The following HPSE2 variants were observed in gnomAD, a reference collection of about 807,000 sequenced individuals.
HPSE2 encodes inactive heparanase-2.
In HPSE2, 38 loss-of-function variants were observed where a neutral mutation model predicts 60.5. The ratio of observed to expected loss-of-function variants is 0.63; its 90% confidence interval spans 0.48 to 0.82. The LOEUF is 0.82. Among genes scored for constraint, HPSE2 ranks in the 40% least tolerant of loss-of-function variants. HPSE2 has a pLI of 0.00. For synonymous variants in HPSE2, 295 were observed against 293.2 expected, an observed-to-expected ratio of 1.01 and a Z score of -0.06; for missense variants, 713 against 740.4, an observed-to-expected ratio of 0.96 and a Z score of 0.43.
intron 11 of HPSE2, among the ~76,000 whole-genome samples, chr10:98,475,011 A>G (rs1940944211): frequency 6.6e-6 from 1 of 152,208 alleles, no homozygotes; most frequent in South Asian, 2.1e-4. Flanking sequence ...TAGAAAGATC[A>G]AGGGACATTC....
chr10:99,257,903 C>A, the HPSE2 span, among the ~76,000 whole-genome samples: 2 of 152,010 alleles, frequency 1.3e-5, no homozygotes, highest in African/African-American at 4.8e-5. Context: ...TTTCTCAGAC[C>A]AGCCGACACT....
the HPSE2 span, among the ~76,000 whole-genome samples, chr10:99,301,682 C>T: frequency 1.3e-5 from 2 of 152,096 alleles, no homozygotes; most frequent in African/African-American, 2.4e-5. Flanking sequence ...AACAGCTAGA[C>T]CAGATGGCAG....
At chr10:99,117,283 A>G (rs557452377) in intron 3 of HPSE2, among the ~76,000 whole-genome samples, 2 of 151,232 alleles carry the variant, frequency 1.3e-5, no homozygotes, top group South Asian at 4.2e-4. Context: ...CAACTAAGAG[A>G]ACCAGAGAAC....
chr10:99,253,532 TG>T, the HPSE2 span, among the ~76,000 whole-genome samples: 1 of 152,172 alleles, frequency 6.6e-6, no homozygotes, highest in Non-Finnish European at 1.5e-5. Context: ...AACACCATTC[TG>T]GACATCAACC....
intron 3 of HPSE2, among the ~76,000 whole-genome samples, chr10:98,855,240 A>G (rs887165434): frequency 7.9e-5 from 12 of 152,208 alleles, no homozygotes; most frequent in Non-Finnish European, 1.6e-4. Context: ...AACACCTGGG[A>G]GTCTCACACA....
chr10:99,052,490 T>TG (rs948593331), intron 3 of HPSE2, among the ~76,000 whole-genome samples: 2 of 150,948 alleles, frequency 1.3e-5, no homozygotes, highest in Admixed American at 6.6e-5. Flanking sequence ...TATGAAATTG[T>TG]GGGGGGAAAT....
At chr10:99,261,530 C>A in the HPSE2 span, among the ~76,000 whole-genome samples, 1 of 152,168 alleles carries the variant, frequency 6.6e-6, no homozygotes, top group Non-Finnish European at 1.5e-5. Flanking sequence ...AAACCCAGCC[C>A]AGTTCATGGC....
intron 3 of HPSE2, among the ~76,000 whole-genome samples, chr10:98,775,387 A>T (rs1272551431): frequency 6.6e-6 from 1 of 152,196 alleles, no homozygotes; most frequent in African/African-American, 2.4e-5. Context: ...AACCAGTCTC[A>T]CATACATCGA....
chr10:98,616,486 A>C (rs374074546), intron 8 of HPSE2, among the ~76,000 whole-genome samples: 1 of 152,322 alleles, frequency 6.6e-6, no homozygotes, highest in East Asian at 1.9e-4. Flanking sequence ...CTGAAGCCAT[A>C]TGGAGCTCCA....
At chr10:99,038,907 G>A (rs1453740463) in intron 3 of HPSE2, among the ~76,000 whole-genome samples, 1 of 152,098 alleles carries the variant, frequency 6.6e-6, no homozygotes, top group Non-Finnish European at 1.5e-5. Flanking sequence ...AAAAGAATAA[G>A]AGAATTTTAG....
intron 11 of HPSE2, chr10:98,461,868 A>G (rs764921152): frequency 3.0e-6 from 4 of 1,333,300 alleles, no homozygotes; most frequent in South Asian, 1.2e-5. Flanking sequence ...AAAAATCTAT[A>G]CTAATAAGGA....
At chr10:98,932,361 T>C (rs142294904) in intron 3 of HPSE2, among the ~76,000 whole-genome samples, 1,659 of 144,348 alleles carry the variant, frequency 0.011, 157 homozygotes, top group Non-Finnish European at 0.02. Flanking sequence ...TGTTGCTGGA[T>C]TTTGTTTGCC....
At chr10:98,467,906 C>G (rs1940611075) in intron 11 of HPSE2, among the ~76,000 whole-genome samples, 1 of 152,246 alleles carries the variant, frequency 6.6e-6, no homozygotes, top group African/African-American at 2.4e-5. Context: ...GGCTTCCCGG[C>G]CAGCGTGCAG....
chr10:99,232,478 C>A lies in HPSE2; in HGVS notation c.318G>T (p.Arg106=). Residue 106 remains arginine, a synonymous_variant, in exon 2 of 12, where the codon CGG becomes CGT. Coordinates refer to ENST00000370552, the MANE Select transcript of HPSE2 (RefSeq NM_021828.5). ...AGCGCAGAAAGGCGGGCGAAAGTCC[C>A]CGGGCCAGGGTCACCAAGCGCTTGG... ...LSSKRLVTLA[R]GLSPAFLRFG... The A allele has an allele frequency of 6.4e-7, 1 of 1,556,166 alleles. No homozygotes were observed. Among genetic ancestry groups the A allele is most frequent in the East Asian group, 2.4e-5 (1 of 41,444 alleles).
At chr10:98,592,915 T>C (rs1945129003) in intron 9 of HPSE2, among the ~76,000 whole-genome samples, 1 of 152,192 alleles carries the variant, frequency 6.6e-6, no homozygotes, top group Non-Finnish European at 1.5e-5. Context: ...GAGGGTATCT[T>C]ACAGTATAGA....
intron 2 of HPSE2, among the ~76,000 whole-genome samples, chr10:99,210,456 T>C (rs1848917972): frequency 6.6e-6 from 1 of 152,138 alleles, no homozygotes; most frequent in South Asian, 2.1e-4. Flanking sequence ...AGCCAGACGA[T>C]GATACTACAA....
chr10:99,103,346 A>G (rs1387839670), intron 3 of HPSE2, among the ~76,000 whole-genome samples: 1 of 151,938 alleles, frequency 6.6e-6, no homozygotes, highest in Non-Finnish European at 1.5e-5. Flanking sequence ...ATAACAGACA[A>G]ACAGAGAGCC....
intron 6 of HPSE2, among the ~76,000 whole-genome samples, chr10:98,687,964 T>C (rs904942527): frequency 2.6e-5 from 4 of 152,214 alleles, no homozygotes; most frequent in Admixed American, 1.3e-4. Flanking sequence ...GATATAATCA[T>C]GGTTCAGTCT....
At chr10:99,230,018 A>G (rs1255502991) in intron 2 of HPSE2, among the ~76,000 whole-genome samples, 1 of 152,246 alleles carries the variant, frequency 6.6e-6, no homozygotes, top group Non-Finnish European at 1.5e-5. Context: ...GTGAGCTTCA[A>G]AGGGCAGAAA....
Sources: allele counts gnomAD v4.1 joint callset (sites outside exome capture counted in the v4.1 genomes callset), GRCh38; gene constraint gnomAD v4.1.1; transcripts MANE v1.5; gene names NCBI Gene and HGNC (gene_info 2026-07-23, HGNC 2026-07-21).